The following DOCK1 variants were observed in gnomAD, a reference collection of about 807,000 sequenced individuals.
DOCK1 encodes the protein dedicator of cytokinesis 1.
A neutral mutation model predicts 262.7 loss-of-function variants in DOCK1; 138 were observed. That is an observed-to-expected ratio of 0.53 (90% confidence interval 0.46 to 0.61). The LOEUF (loss-of-function observed/expected upper bound fraction) is 0.61, where lower values mean the gene tolerates loss of function less well. Ranked by LOEUF, DOCK1 falls within the 20% of genes least tolerant of loss-of-function variation. DOCK1 has a pLI of 0.00. For synonymous variants in DOCK1, 866 were observed against 867.4 expected, an observed-to-expected ratio of 1.00 and a Z score of 0.03; for missense variants, 1,908 against 2,370.7, an observed-to-expected ratio of 0.80 and a Z score of 4.05.
intron 27 of DOCK1, among the ~76,000 whole-genome samples, chr10:127,234,852 C>A (rs2058988013): frequency 6.6e-6 from 1 of 150,902 alleles, no homozygotes; most frequent in Admixed American, 6.6e-5. Context: ...ACATTAATTA[C>A]ATATGGCTTA....
chr10:127,178,100 GAC>G (rs1026116655), intron 27 of DOCK1, among the ~76,000 whole-genome samples: 1 of 152,096 alleles, frequency 6.6e-6, no homozygotes, highest in Admixed American at 6.6e-5. Flanking sequence ...GGGAAGAAGA[GAC>G]AACTTCACAG....
intron 28 of DOCK1, among the ~76,000 whole-genome samples, chr10:127,253,201 G>A (rs2059713517): frequency 6.6e-6 from 1 of 152,234 alleles, no homozygotes; most frequent in South Asian, 2.1e-4. Context: ...CTCAGTAACA[G>A]AAGCAGAGAA....
intron 29 of DOCK1, among the ~76,000 whole-genome samples, chr10:127,262,252 A>G (rs1590185123): frequency 7.0e-6 from 1 of 142,984 alleles, no homozygotes; most frequent in African/African-American, 2.6e-5. Context: ...CTGTGTGTGT[A>G]CCTGCATGTG....
chr10:127,267,083 C>A (rs1169169306), intron 29 of DOCK1, among the ~76,000 whole-genome samples: 3 of 152,118 alleles, frequency 2.0e-5, no homozygotes, highest in African/African-American at 7.2e-5. Flanking sequence ...GGAAAAGGAC[C>A]CCACTGGGGC....
At chr10:127,106,104 A>C in intron 23 of DOCK1, 127 bp from the exon 24 acceptor site, 1 of 931,390 alleles carries the variant, frequency 1.1e-6, no homozygotes, top group Non-Finnish European at 1.6e-6. Context: ...GTTAGCCGTC[A>C]GCCCCTCATC....
At chr10:127,213,260 G>A (rs556338524) in intron 27 of DOCK1, among the ~76,000 whole-genome samples, 1 of 152,312 alleles carries the variant, frequency 6.6e-6, no homozygotes, top group African/African-American at 2.4e-5. Flanking sequence ...ATCAGTGTAA[G>A]TAAGAAGTAG....
At chr10:127,038,903 C>T (rs1489095292) in intron 19 of DOCK1, among the ~76,000 whole-genome samples, 1 of 152,200 alleles carries the variant, frequency 6.6e-6, no homozygotes, top group East Asian at 1.9e-4. Flanking sequence ...CATTTTTAGT[C>T]GATTCTGTTT....
At chr10:127,200,131 G>A (rs532880803) in intron 27 of DOCK1, among the ~76,000 whole-genome samples, 189 of 152,272 alleles carry the variant, frequency 1.2e-3, no homozygotes, top group African/African-American at 4.3e-3. Flanking sequence ...ACACAAAAGC[G>A]GTCCCGATCC....
intron 2 of DOCK1, among the ~76,000 whole-genome samples, chr10:126,971,758 C>T (rs76831503): frequency 0.06 from 9,146 of 152,040 alleles, 279 homozygotes; most frequent in Middle Eastern, 0.11. Flanking sequence ...ACTAAGATTT[C>T]TTCTTTTAAT....
chr10:127,094,888 G>A (rs1452164421), intron 23 of DOCK1, among the ~76,000 whole-genome samples: 4 of 152,154 alleles, frequency 2.6e-5, no homozygotes, highest in African/African-American at 4.8e-5. Context: ...TGGAAGTCAC[G>A]CTTTGCCTCC....
chr10:127,332,603 T>G (rs2063032601), intron 29 of DOCK1, among the ~76,000 whole-genome samples: 1 of 152,126 alleles, frequency 6.6e-6, no homozygotes, highest in South Asian at 2.1e-4. Flanking sequence ...CCGAAAACTT[T>G]CTAGTGACAT....
chr10:127,447,531 C>G lies in DOCK1; in HGVS notation c.5551C>G (p.Pro1851Ala), dbSNP rs2070661160. Residue 1851 changes from proline (P) to alanine (A), a missense_variant, in exon 51 of 52, where the codon CCT becomes GCT. This residue lies in a region of DOCK1 where 383 missense variants were observed against 420.1 expected (regional missense o/e 0.91). Coordinates refer to ENST00000623213, the MANE Select transcript of DOCK1 (RefSeq NM_001290223.2). ...GGGCTCGCCAACACCTCCACCTCCC[C>G]CTCCACACCAGAGGGTAAGTCGGCA... ...LLGSPTPPPP[P>A]PHQRHLPPPL... is the part of the protein sequence containing the mutation. The G allele has an allele frequency of 2.5e-6, 4 of 1,613,746 alleles. No individual in the cohort carries two copies. Among genetic ancestry groups the G allele is most frequent in the African/African-American group, 2.7e-5 (2 of 74,922 alleles).
rs1003528582 is a variant in DOCK1 at position 127,311,209 on chromosome 10, TC to T, written c.3045-27795del. ...TCCTCCATGCTTCCAAGGCAGCTGT[TC>T]CTGGGGCCATGCTTTGAAGGAGCAA... On this transcript the variant is annotated intron_variant, in intron 29 of 51. Transcript: ENST00000623213. Among the ~76,000 whole-genome samples, 169 of 152,306 alleles carry T rather than the reference TC, an allele frequency of 1.1e-3. 3 individuals are homozygous for T. The highest frequency in any genetic ancestry group is 3.8e-3 in the African/African-American group (160 of 41,568).
At chr10:127,380,686 G>A (rs1388303922) in intron 36 of DOCK1, among the ~76,000 whole-genome samples, 2 of 152,084 alleles carry the variant, frequency 1.3e-5, no homozygotes, top group African/African-American at 2.4e-5. Flanking sequence ...CTAAAGTCTC[G>A]TGTCAAATAA....
chr10:127,411,683 G>A (rs2067857006), intron 43 of DOCK1, among the ~76,000 whole-genome samples: 1 of 152,042 alleles, frequency 6.6e-6, no homozygotes, highest in Admixed American at 6.5e-5. Flanking sequence ...TCTACTAAAA[G>A]TACAACATTA....
At chr10:127,252,251 A>C (rs1419536100) in intron 28 of DOCK1, among the ~76,000 whole-genome samples, 1 of 144,584 alleles carries the variant, frequency 6.9e-6, no homozygotes, top group Non-Finnish European at 1.5e-5. Context: ...TTTTCTTTTA[A>C]ATTTGTTTGA....
At chr10:127,413,354 C>G (rs2067970626) in intron 43 of DOCK1, among the ~76,000 whole-genome samples, 1 of 152,224 alleles carries the variant, frequency 6.6e-6, no homozygotes, top group African/African-American at 2.4e-5. Context: ...GGTCCGGGCA[C>G]TTGGACAAAG....
chr10:127,049,783 T>C (rs2044591184), intron 21 of DOCK1, among the ~76,000 whole-genome samples: 1 of 152,000 alleles, frequency 6.6e-6, no homozygotes, highest in Non-Finnish European at 1.5e-5. Flanking sequence ...ACCGAAATAA[T>C]ATTTTAGAAG....
At chr10:127,140,964 C>G (rs915598797) in intron 27 of DOCK1, among the ~76,000 whole-genome samples, 3 of 152,308 alleles carry the variant, frequency 2.0e-5, no homozygotes, top group African/African-American at 4.8e-5. Context: ...ATGGCTCTTG[C>G]TTCAGCTTCC....
Sources: allele counts gnomAD v4.1 joint callset (sites outside exome capture counted in the v4.1 genomes callset), GRCh38; gene constraint gnomAD v4.1.1; regional missense constraint gnomAD v4.1.1; transcripts MANE v1.5; gene names NCBI Gene and HGNC (gene_info 2026-07-23, HGNC 2026-07-21).